Variants in NFIX observed in about 807,000 individuals in gnomAD.
NFIX encodes the protein nuclear factor I X.
NFIX carries 2 observed loss-of-function variants against 53.3 expected under a neutral mutation model. The observed-to-expected ratio is 0.04, with a 90% CI of 0.02 to 0.12. The LOEUF (loss-of-function observed/expected upper bound fraction) is 0.12. NFIX is among the 10% of genes least tolerant of loss of function. The pLI is 1.00. For missense variants in NFIX, 310 were observed against 674.5 expected (o/e 0.46, Z 5.99); for synonymous variants, 244 against 289.0 (o/e 0.84, Z 1.58).
At chr19:13,054,718 G>C (rs558953405) in intron 2 of NFIX, among the ~76,000 whole-genome samples, 104 of 152,254 alleles carry the variant, frequency 6.8e-4, no homozygotes, top group African/African-American at 2.5e-3. Flanking sequence ...GTCCTCCCTG[G>C]GTTAGGCATA....
rs536519543 is a variant in NFIX, at chr19:13,052,876, C to T, written c.560-20171C>T. On this transcript the variant is annotated intron_variant, in intron 2 of 10. Transcript: ENST00000592199. The surrounding 1 kb of genome is among the most constrained non-coding windows in gnomAD (Gnocchi z 5.2). ...TGCCTGGCACTGCAGCCCAAGTCCC[C>T]AGGAGTCTGTGTCTTCCCATGTTCC... Among the ~76,000 whole-genome samples the T allele has an allele frequency of 9.2e-5, 14 of 152,304 alleles. No individual in the cohort carries two copies. Among genetic ancestry groups the T allele is most frequent in the Non-Finnish European group, 5.9e-5 (4 of 68,020 alleles).
chr19:13,022,732 G>A lies in NFIX; in HGVS notation c.28-2289G>A, dbSNP rs549318009. On this transcript the variant is annotated intron_variant, in intron 1 of 10. Coordinates refer to ENST00000592199, the MANE Select transcript of NFIX (RefSeq NM_001365902.3). This position sits in a 1 kb window ranked among gnomAD's most constrained non-coding sequence, Gnocchi z 4.5. ...TGGGGCTCCCGCCCGCCAGCCCGCC[G>A]GGAGTCAGGCCTTTATTTATTTATT... Among the ~76,000 whole-genome samples, 8 of 152,096 alleles carry A rather than the reference G, an allele frequency of 5.3e-5. No homozygotes were observed. Among genetic ancestry groups the A allele is most frequent in the African/African-American group, 1.2e-4 (5 of 41,406 alleles).
chr19:13,047,796 C>A (rs753950745), intron 2 of NFIX, among the ~76,000 whole-genome samples: 2 of 152,180 alleles, frequency 1.3e-5, no homozygotes, highest in Non-Finnish European at 2.9e-5. Flanking sequence ...TCTGCAGTTG[C>A]CCATGGTATG....
Position 13,001,249 on chromosome 19 carries a change from A to G in NFIX, c.27+5385A>G, listed in dbSNP as rs956426038. ...CGGCATGTCAGGCCTCAGAGCCACC[A>G]TTTTCCCGAGGATGTCTGTGTGGCA... On this transcript the variant is annotated intron_variant, in intron 1 of 10. Coordinates refer to ENST00000592199, the MANE Select transcript of NFIX (RefSeq NM_001365902.3). This position sits in a 1 kb window ranked among gnomAD's most constrained non-coding sequence, Gnocchi z 6.5. 2.0e-5 allele frequency among the ~76,000 whole-genome samples: 3 copies of G among 151,946 alleles called. No individual in the cohort carries two copies. The highest frequency in any genetic ancestry group is 6.6e-5 in the Admixed American group (1 of 15,264).
chr19:13,078,521 G>A lies in NFIX; in HGVS notation c.956-92G>A. On this transcript the variant is annotated intron_variant, in intron 6 of 10. Transcript: ENST00000592199. The surrounding 1 kb of genome is among the most constrained non-coding windows in gnomAD (Gnocchi z 4.7). ...GGAAGGGGCAGTGGGGAGGGGCTGAGGAGAGAAGGAGCGAGCTGCTGGCTT... is the reference window on the plus strand; with the variant it reads ...GGAAGGGGCAGTGGGGAGGGGCTGAAGAGAGAAGGAGCGAGCTGCTGGCTT... 1 of 1,451,050 alleles carries A rather than the reference G, an allele frequency of 6.9e-7. No individual in the cohort carries two copies. Among genetic ancestry groups the A allele is most frequent in the South Asian group, 1.3e-5 (1 of 76,108 alleles). The allele number at this position is 1,451,050 out of a possible 1,614,324, so 89.9% of individuals were successfully genotyped here.
rs2016461772 is a variant in NFIX, at chr19:13,067,215, T to C, written c.560-5832T>C. Among the ~76,000 whole-genome samples the C allele has an allele frequency of 6.6e-6, 1 of 152,100 alleles. No homozygotes were observed. ...AGAATCGCATCAGCCCTTCAGAGGA[T>C]GGGGTGTTGCAGCTGCCCAGAGGCA... On this transcript the variant is annotated intron_variant, in intron 2 of 10. Coordinates refer to ENST00000592199, the MANE Select transcript of NFIX (RefSeq NM_001365902.3). The surrounding 1 kb of genome is among the most constrained non-coding windows in gnomAD (Gnocchi z 4.2).
rs779300624 is a variant in NFIX at position 13,087,985 on chromosome 19, G to T, written c.1255-4G>T. 6.5e-7 allele frequency: 1 copy of T among 1,535,916 alleles called. No homozygotes were observed. The highest frequency in any genetic ancestry group is 2.0e-5 in the Admixed American group (1 of 50,982). ...ATGCGTCACTCTATTTATGTTGTTC[G>T]CAGCCCAACGGTAGCGGCCAGGGCA... On this transcript the variant is annotated splice_region_variant and splice_polypyrimidine_tract_variant and intron_variant, in intron 8 of 10. Coordinates refer to ENST00000592199, the MANE Select transcript of NFIX (RefSeq NM_001365902.3).
intron 2 of NFIX, among the ~76,000 whole-genome samples, chr19:13,046,473 C>T (rs553786052): frequency 0.016 from 2,421 of 152,220 alleles, 34 homozygotes; most frequent in African/African-American, 0.033. Context: ...CTTCCCCCCC[C>T]CTCTTTTTTT....
At chr19:13,048,350 T>C (rs2015119895) in intron 2 of NFIX, among the ~76,000 whole-genome samples, 1 of 152,202 alleles carries the variant, frequency 6.6e-6, no homozygotes. Flanking sequence ...GTCTTGGCTG[T>C]GGGCATCACC....
intron 2 of NFIX, among the ~76,000 whole-genome samples, chr19:13,054,146 T>C (rs1334119119): frequency 1.3e-5 from 2 of 152,148 alleles, no homozygotes; most frequent in Admixed American, 1.3e-4. Flanking sequence ...TTCCCGTCTC[T>C]ACCGTGGACA....
rs768727236 is a variant in NFIX at position 13,066,678 on chromosome 19, G to A, written c.560-6369G>A. On this transcript the variant is annotated intron_variant, in intron 2 of 10. Transcript: ENST00000592199. This position sits in a 1 kb window ranked among gnomAD's most constrained non-coding sequence, Gnocchi z 4.2. The stretch of plus-strand genomic sequence containing the variant: ...GCTTTAAACCATGTGAGACTCTAGG[G>A]ATGACAGAGGAGGGAAAAACCTGCC... Among the ~76,000 whole-genome samples, 1 of 152,182 alleles carries A rather than the reference G, an allele frequency of 6.6e-6. No homozygotes were observed. The highest frequency in any genetic ancestry group is 1.5e-5 in the Non-Finnish European group (1 of 68,032).
chr19:13,065,167 A>G (rs2016326317), intron 2 of NFIX, among the ~76,000 whole-genome samples: 2 of 152,154 alleles, frequency 1.3e-5, no homozygotes, highest in African/African-American at 4.8e-5. Context: ...AGGATAGGGT[A>G]TCCACAGTGG....
intron 2 of NFIX, among the ~76,000 whole-genome samples, chr19:13,035,908 AG>A (rs1466465868): frequency 6.6e-6 from 1 of 152,216 alleles, no homozygotes; most frequent in African/African-American, 2.4e-5. Flanking sequence ...TCCCAAGTGC[AG>A]AGCCAATGTC....
At position 13,066,731 on chromosome 19, in the gene NFIX, G is replaced by T. The variant is rs1350050572; in HGVS notation, c.560-6316G>T. Among the ~76,000 whole-genome samples, 3 of 152,168 alleles carry T rather than the reference G, an allele frequency of 2.0e-5. No individual in the cohort carries two copies. The highest frequency in any genetic ancestry group is 7.2e-5 in the African/African-American group (3 of 41,420). ...CTCAGGATGACTCCAGGATGTGTGT[G>T]TGCATGTGTGTGTGTGTTTGTGCAC... On this transcript the variant is annotated intron_variant, in intron 2 of 10. Coordinates refer to ENST00000592199, the MANE Select transcript of NFIX (RefSeq NM_001365902.3). The surrounding 1 kb of genome is among the most constrained non-coding windows in gnomAD (Gnocchi z 4.2).
intron 2 of NFIX, among the ~76,000 whole-genome samples, chr19:13,034,061 G>A (rs1007825330): frequency 3.9e-5 from 6 of 152,190 alleles, no homozygotes; most frequent in East Asian, 1.9e-4. Context: ...AGAAGGGGCC[G>A]GCTTCTAGGT....
At chr19:13,054,133 C>T (rs981645335) in intron 2 of NFIX, among the ~76,000 whole-genome samples, 2 of 152,184 alleles carry the variant, frequency 1.3e-5, no homozygotes, top group Non-Finnish European at 2.9e-5. Flanking sequence ...GGTCCTCCCC[C>T]AGTTCCCGTC....
intron 1 of NFIX, among the ~76,000 whole-genome samples, chr19:13,016,944 C>T (rs770277799): frequency 1.2e-4 from 19 of 152,126 alleles, no homozygotes; most frequent in Non-Finnish European, 2.2e-4. Context: ...AACCAAAAAG[C>T]CTCTTTTTTT....
intron 2 of NFIX, among the ~76,000 whole-genome samples, chr19:13,050,355 C>T (rs1246100486): frequency 2.0e-5 from 3 of 152,238 alleles, no homozygotes; most frequent in East Asian, 1.9e-4. Flanking sequence ...TTTTTACCCC[C>T]GGCCTGGCTG....
chr19:13,006,802 G>A lies in NFIX; in HGVS notation c.27+10938G>A, dbSNP rs181792961. Among the ~76,000 whole-genome samples, 1,073 of 152,306 alleles carry A rather than the reference G, an allele frequency of 7.0e-3. 7 individuals carry two copies. The highest frequency in any genetic ancestry group is 0.011 in the Non-Finnish European group (770 of 68,010). ...TGAGAGCTCTGGGCTGGGGCCCGGC[G>A]GGGTCGGCACTGCAGGCTGGCAACC... On this transcript the variant is annotated intron_variant, in intron 1 of 10. Transcript: ENST00000592199. The surrounding 1 kb of genome is among the most constrained non-coding windows in gnomAD (Gnocchi z 5.6).
Sources: gnomAD v4.1 joint callset for allele counts (sites outside exome capture counted in the v4.1 genomes callset) on GRCh38, gnomAD v4.1.1 for gene constraint, Gnocchi (gnomAD v3.1) non-coding constraint, MANE v1.5 for transcripts, NCBI Gene and HGNC (gene_info 2026-07-23, HGNC 2026-07-21) for gene names.